Variants in ADCY9 observed in about 807,000 individuals in gnomAD.
ADCY9 encodes adenylate cyclase 9, also known as adenylate cyclase type 9.
A neutral mutation model predicts 101.5 loss-of-function variants in ADCY9; 50 were observed. The ratio of observed to expected loss-of-function variants is 0.49; its 90% CI spans 0.39 to 0.62. The LOEUF (loss-of-function observed/expected upper bound fraction) is 0.62, where lower values mean the gene tolerates loss of function less well. ADCY9 is among the 20% of genes least tolerant of loss of function. ADCY9 has a pLI of 0.00. For synonymous variants in ADCY9, 905 were observed against 769.3 expected (o/e 1.18, Z -2.92); for missense variants, 1,662 against 1,800.4 (o/e 0.92, Z 1.39).
rs975854352 is a variant in ADCY9, at chr16:3,965,493, C to T, written c.*282G>A. 10 of 477,732 alleles carry T rather than the reference C, an allele frequency of 2.1e-5. No homozygotes were observed. The highest frequency in any genetic ancestry group is 3.9e-5 in the African/African-American group (2 of 51,846). The allele number at this position is 477,732 out of a possible 1,614,324, so 29.6% of individuals were successfully genotyped here. A position where few individuals can be genotyped will look rare whatever the true frequency, so the allele number is the denominator to read the frequency against. On this transcript the variant is annotated 3_prime_UTR_variant, in exon 11 of 11. Coordinates refer to ENST00000294016, the MANE Select transcript of ADCY9 (RefSeq NM_001116.4). ...TGATCTCCACTGGCGGCCTCTGTCC[C>T]GAGACTCGAGGCCGAGGCCAGCCCT...
chr16:4,040,100 T>G (rs574604652), intron 2 of ADCY9, among the ~76,000 whole-genome samples: 19 of 152,256 alleles, frequency 1.2e-4, no homozygotes, highest in South Asian at 1.0e-3. Context: ...AACACGCCTT[T>G]TCATATAAAT....
At chr16:4,013,382 T>A (rs1311427152) in intron 2 of ADCY9, among the ~76,000 whole-genome samples, 3 of 151,826 alleles carry the variant, frequency 2.0e-5, no homozygotes, top group Non-Finnish European at 4.4e-5. Flanking sequence ...GATCGTGCCA[T>A]TGCACTTCAG....
intron 3 of ADCY9, among the ~76,000 whole-genome samples, chr16:4,004,153 TG>T (rs2056351126): frequency 6.7e-6 from 1 of 150,304 alleles, no homozygotes; most frequent in Admixed American, 6.7e-5. Flanking sequence ...CAGGTTGACT[TG>T]GGAGGATCAC....
At position 3,992,450 on chromosome 16, in the gene ADCY9, C is replaced by G; in HGVS notation, c.1990-87G>C. The G allele has an allele frequency of 8.5e-7, 1 of 1,176,834 alleles. No homozygotes were observed. The highest frequency in any genetic ancestry group is 1.5e-5 in the African/African-American group (1 of 66,216). The allele number at this position is 1,176,834 out of a possible 1,614,324, so 72.9% of individuals were successfully genotyped here. On this transcript the variant is annotated intron_variant, in intron 4 of 10. Transcript: ENST00000294016. The surrounding 1 kb of genome is among the most constrained non-coding windows in gnomAD (Gnocchi z 4.2). ...CACGCCTGTCCCACCCCGACCTCCG[C>G]TGCGGGGCGCTGCTGCACTGGGCGT...
Position 4,114,262 on chromosome 16 carries a change from C to G in ADCY9, c.1181G>C (p.Ser394Thr). Residue 394 changes from serine to threonine, a missense_variant, in exon 2 of 11, where the codon AGT (serine) becomes ACT (threonine). Physicochemically the swap from Ser to Thr is moderately conservative, Grantham distance 58. Around this residue, in one of 5 missense-constraint regions of ADCY9, gnomAD observed 228 missense variants for 301.1 expected, o/e 0.76. Coordinates refer to ENST00000294016, the MANE Select transcript of ADCY9 (RefSeq NM_001116.4). The surrounding 1 kb of genome is among the most constrained non-coding windows in gnomAD (Gnocchi z 4.3). ...GCCCACGATATCTGCAAATAAAATA[C>G]TGACTTCTTCGATCTGCTGCATCTT... ...PFKMQQIEEV[S>T]ILFADIVGFT... The G allele has an allele frequency of 6.2e-7, 1 of 1,613,968 alleles. No homozygotes were observed. Among genetic ancestry groups the G allele is most frequent in the East Asian group, 2.2e-5 (1 of 44,892 alleles).
intron 9 of ADCY9, among the ~76,000 whole-genome samples, chr16:3,974,911 G>A (rs745730869): frequency 1.3e-5 from 2 of 152,114 alleles, no homozygotes; most frequent in East Asian, 1.9e-4. Flanking sequence ...CTGAGTTTAC[G>A]TCTTTGTTTA....
At chr16:4,110,927 C>T (rs1244699090) in intron 2 of ADCY9, among the ~76,000 whole-genome samples, 1 of 152,234 alleles carries the variant, frequency 6.6e-6, no homozygotes, top group African/African-American at 2.4e-5. Context: ...GGCATCTGAA[C>T]CCCGCCTCTG....
At chr16:4,086,074 GCCGCGC>G (rs2056936241) in intron 2 of ADCY9, among the ~76,000 whole-genome samples, 1 of 152,054 alleles carries the variant, frequency 6.6e-6, no homozygotes, top group South Asian at 2.1e-4. Context: ...TAGGCAGACG[GCCGCGC>G]GGAGAGCACC....
chr16:4,085,757 T>C (rs72764609), intron 2 of ADCY9, among the ~76,000 whole-genome samples: 28,222 of 151,922 alleles, frequency 0.19, 2,921 homozygotes, highest in South Asian at 0.31. Flanking sequence ...TGCCCCACCC[T>C]GGACCCGCTG....
At chr16:4,036,342 T>G (rs2056589368) in intron 2 of ADCY9, among the ~76,000 whole-genome samples, 1 of 151,936 alleles carries the variant, frequency 6.6e-6, no homozygotes, top group Non-Finnish European at 1.5e-5. Flanking sequence ...TTTTTATTTA[T>G]ACAAACTTGG....
Position 4,092,801 on chromosome 16 carries a change from T to C in ADCY9, c.1693+20949A>G, listed in dbSNP as rs112461366. Among the ~76,000 whole-genome samples, 297 of 152,336 alleles carry C rather than the reference T, an allele frequency of 1.9e-3. 1 individual carries two copies. Among genetic ancestry groups the C allele is most frequent in the African/African-American group, 6.7e-3 (279 of 41,568 alleles). On this transcript the variant is annotated intron_variant, in intron 2 of 10. Coordinates refer to ENST00000294016, the MANE Select transcript of ADCY9 (RefSeq NM_001116.4). ...TTAGCCCTTTCCATCAAACGATATC[T>C]GCAGGCTGAACGAGCTTAATTACTT...
At chr16:3,971,069 G>A (rs953366261) in intron 10 of ADCY9, among the ~76,000 whole-genome samples, 7 of 152,192 alleles carry the variant, frequency 4.6e-5, no homozygotes, top group African/African-American at 1.2e-4. Flanking sequence ...GGAGGTTTAC[G>A]CTGAATACCC....
rs147191938 is a variant in ADCY9, at chr16:4,053,265, A to G, written c.1694-45707T>C. 3.3e-4 allele frequency among the ~76,000 whole-genome samples: 51 copies of G among 152,344 alleles called. No homozygotes were observed. The Middle Eastern group carries it at 0.01, about 30-fold the overall frequency. ...TCGCAGTGAAGTGGGCCGTCAGGCA[A>G]TGATTACTAAATAAGCATGGGAAAC... is the stretch of plus-strand genomic sequence containing the variant. On this transcript the variant is annotated intron_variant, in intron 2 of 10. Transcript: ENST00000294016.
At chr16:3,967,100 T>C in intron 10 of ADCY9, 134 bp from the exon 11 acceptor site, 1 of 695,784 alleles carries the variant, frequency 1.4e-6, no homozygotes, top group Non-Finnish European at 2.4e-6. Flanking sequence ...TGCCCATTCC[T>C]GGTTTGGGCT....
chr16:3,978,047 A>G (rs759276061), intron 8 of ADCY9, among the ~76,000 whole-genome samples: 2 of 152,154 alleles, frequency 1.3e-5, no homozygotes, highest in Non-Finnish European at 2.9e-5. Flanking sequence ...ACCTAAAAAT[A>G]TCACCGATAC....
chr16:4,019,415 G>A (rs972512824), intron 2 of ADCY9, among the ~76,000 whole-genome samples: 1 of 152,214 alleles, frequency 6.6e-6, no homozygotes, highest in African/African-American at 2.4e-5. Context: ...TGTCATTTAT[G>A]CCTTAAGAAA....
chr16:4,078,963 G>A (rs1327281878), intron 2 of ADCY9, among the ~76,000 whole-genome samples: 1 of 152,130 alleles, frequency 6.6e-6, no homozygotes, highest in East Asian at 1.9e-4. Flanking sequence ...GGCAAATAAG[G>A]ATATTCATCA....
chr16:4,101,179 C>T (rs1404461877), intron 2 of ADCY9, among the ~76,000 whole-genome samples: 3 of 152,128 alleles, frequency 2.0e-5, no homozygotes, highest in African/African-American at 7.2e-5. Flanking sequence ...TCACAAGTTA[C>T]CTAACCTCTC....
chr16:4,073,793 T>C (rs57401553), intron 2 of ADCY9, among the ~76,000 whole-genome samples: 212 of 152,238 alleles, frequency 1.4e-3, no homozygotes, highest in African/African-American at 4.9e-3. Flanking sequence ...TAAAAAATGT[T>C]AAAGGAAGTT....
Sources: gnomAD v4.1 joint callset for allele counts (sites outside exome capture counted in the v4.1 genomes callset) on GRCh38, gnomAD v4.1.1 for gene constraint, gnomAD v4.1.1 regional missense constraint, Gnocchi (gnomAD v3.1) non-coding constraint, MANE v1.5 for transcripts, NCBI Gene and HGNC (gene_info 2026-07-23, HGNC 2026-07-21) for gene names.